Variants in ADCY9 observed in about 807,000 individuals in gnomAD.
ADCY9 encodes the protein adenylate cyclase type 9.
A neutral mutation model predicts 101.5 loss-of-function variants in ADCY9; 50 were observed. That is an observed-to-expected ratio of 0.49 (90% CI 0.39 to 0.62). The LOEUF is 0.62. Ranked by LOEUF, ADCY9 falls within the 20% of genes least tolerant of loss-of-function variation. The pLI, the probability that ADCY9 is intolerant of heterozygous loss-of-function variation, is 0.00. For synonymous variants in ADCY9, 905 were observed against 769.3 expected (o/e 1.18, Z -2.92); for missense variants, 1,662 against 1,800.4 (o/e 0.92, Z 1.39).
intron 2 of ADCY9, among the ~76,000 whole-genome samples, chr16:4,066,765 T>C (rs1356845344): frequency 1.3e-5 from 2 of 152,206 alleles, no homozygotes; most frequent in African/African-American, 4.8e-5. Context: ...GTGAATATTA[T>C]TCTTTAGAAT....
At chr16:4,084,008 TTTTG>T (rs888748107) in intron 2 of ADCY9, among the ~76,000 whole-genome samples, 1 of 152,208 alleles carries the variant, frequency 6.6e-6, no homozygotes, top group African/African-American at 2.4e-5. Context: ...TAAAGCTTTC[TTTTG>T]TTTGTTTTGT....
chr16:3,991,763 T>TAAAAA (rs55746006), intron 5 of ADCY9, among the ~76,000 whole-genome samples: 6 of 91,424 alleles, frequency 6.6e-5, no homozygotes, highest in African/African-American at 1.1e-4. Context: ...CTAGTCCTTA[T>TAAAAA]AAAAAAAAAA....
intron 10 of ADCY9, among the ~76,000 whole-genome samples, chr16:3,969,136 G>A (rs1442918167): frequency 6.6e-6 from 1 of 151,740 alleles, no homozygotes; most frequent in Non-Finnish European, 1.5e-5. Flanking sequence ...TGCTCCCTTT[G>A]ATAACTGAGC....
chr16:4,102,406 A>C (rs1475564332), intron 2 of ADCY9, among the ~76,000 whole-genome samples: 1 of 151,970 alleles, frequency 6.6e-6, no homozygotes, highest in Non-Finnish European at 1.5e-5. Flanking sequence ...ACAGAAACAA[A>C]GTTGATGGTT....
At chr16:4,089,116 G>C (rs1271720337) in intron 2 of ADCY9, among the ~76,000 whole-genome samples, 1 of 97,086 alleles carries the variant, frequency 1.0e-5, no homozygotes, top group Non-Finnish European at 2.0e-5. Flanking sequence ...TTTTGAGACA[G>C]AGATTGCTCT....
intron 6 of ADCY9, among the ~76,000 whole-genome samples, chr16:3,987,447 A>T (rs144844990): frequency 1.3e-5 from 2 of 152,220 alleles, no homozygotes; most frequent in African/African-American, 4.8e-5. Flanking sequence ...GACCCCGGCT[A>T]TGGGACCACA....
intron 2 of ADCY9, among the ~76,000 whole-genome samples, chr16:4,082,691 CACATATATGCACACCCACGCAT>C (rs914748881): frequency 2.2e-5 from 3 of 138,500 alleles, no homozygotes; most frequent in Admixed American, 7.4e-5. Context: ...CATGCATGCA[CACATATATGCACACCCACGCAT>C]GCACGCACAC....
rs1321955782 is a variant in ADCY9, at chr16:4,115,739, G to A, written c.-93C>T. 1 of 407,466 alleles carries A rather than the reference G, an allele frequency of 2.5e-6. No individual in the cohort carries two copies. Among genetic ancestry groups the A allele is most frequent in the South Asian group, 1.0e-4 (1 of 9,782 alleles). 25.2% of individuals were successfully genotyped at this position (407,466 alleles called of 1,614,324 possible). On this transcript the variant is annotated 5_prime_UTR_variant, in exon 1 of 11. Transcript: ENST00000294016. The surrounding 1 kb of genome is among the most constrained non-coding windows in gnomAD (Gnocchi z 6.2). ...GCGTGGCCGCCGTGGCTCCGGGACC[G>A]CTTTGCTCGCTCGCCTTCCGCGCCT...
intron 2 of ADCY9, among the ~76,000 whole-genome samples, chr16:4,060,633 A>G (rs575191391): frequency 6.7e-6 from 1 of 150,348 alleles, no homozygotes; most frequent in South Asian, 2.1e-4. Context: ...TAAAAATAAG[A>G]AAAAAAAAAT....
chr16:3,974,277 C>G (rs1351303893), intron 10 of ADCY9, among the ~76,000 whole-genome samples: 1 of 152,162 alleles, frequency 6.6e-6, no homozygotes, highest in Admixed American at 6.5e-5. Flanking sequence ...ATCTCCTGAC[C>G]TCGTGATCCG....
rs1170090126 is a variant in ADCY9 at position 4,110,376 on chromosome 16, C to CTTTTTTTTTTTTTTTT, written c.1693+3358_1693+3373dup. On this transcript the variant is annotated intron_variant, in intron 2 of 10. Coordinates refer to ENST00000294016, the MANE Select transcript of ADCY9 (RefSeq NM_001116.4). ...AGTTTTGCAATCATACTTATACCTA[C>CTTTTTTTTTTTTTTTT]TTTTTTTTTTTTTTTTTTTTTTTTT... Among the ~76,000 whole-genome samples the CTTTTTTTTTTTTTTTT allele has an allele frequency of 3.6e-5, 4 of 110,742 alleles. 1 individual carries two copies. The highest frequency in any genetic ancestry group is 3.6e-5 in the Non-Finnish European group (2 of 55,024). 72.7% of individuals were successfully genotyped at this position (110,742 alleles called of 152,430 possible). A position where few individuals can be genotyped will look rare whatever the true frequency, so the allele number is the denominator to read the frequency against.
chr16:4,059,931 A>G (rs1245601156), intron 2 of ADCY9, among the ~76,000 whole-genome samples: 4 of 152,120 alleles, frequency 2.6e-5, no homozygotes, highest in Admixed American at 2.6e-4. Context: ...AAGAAAAATG[A>G]CCAAATCTTG....
intron 2 of ADCY9, among the ~76,000 whole-genome samples, chr16:4,086,079 G>A (rs578060761): frequency 1.4e-4 from 21 of 152,148 alleles, no homozygotes; most frequent in Non-Finnish European, 2.8e-4. Context: ...AGACGGCCGC[G>A]CGGAGAGCAC....
At chr16:4,036,513 A>C (rs1197913075) in intron 2 of ADCY9, among the ~76,000 whole-genome samples, 1 of 122,144 alleles carries the variant, frequency 8.2e-6, no homozygotes, top group Non-Finnish European at 1.6e-5. Context: ...CCCAGGCTGG[A>C]GTGCAGTGGT....
At position 3,992,580 on chromosome 16, in the gene ADCY9, C is replaced by G. The variant is rs186121109; in HGVS notation, c.1990-217G>C. 1.1e-4 allele frequency among the ~76,000 whole-genome samples: 17 copies of G among 152,262 alleles called. No individual in the cohort carries two copies. The highest frequency in any genetic ancestry group is 3.9e-4 in the African/African-American group (16 of 41,550). ...GCTCCTTCCTGTTACCCAACAGTGCCCAGTGGTAACGCTGGGTGTTCAGGC... is the reference window on the plus strand; with the variant it reads ...GCTCCTTCCTGTTACCCAACAGTGCGCAGTGGTAACGCTGGGTGTTCAGGC... On this transcript the variant is annotated intron_variant, in intron 4 of 10. Transcript: ENST00000294016. This position sits in a 1 kb window ranked among gnomAD's most constrained non-coding sequence, Gnocchi z 4.2.
At chr16:4,069,080 CAT>C (rs1246005162) in intron 2 of ADCY9, among the ~76,000 whole-genome samples, 1 of 152,122 alleles carries the variant, frequency 6.6e-6, no homozygotes, top group Admixed American at 6.6e-5. Context: ...AATGGCATGA[CAT>C]GTGAAATTCT....
intron 2 of ADCY9, among the ~76,000 whole-genome samples, chr16:4,097,571 T>TTTTTTTA (rs1555446039): frequency 7.5e-6 from 1 of 132,486 alleles, no homozygotes; most frequent in Admixed American, 7.7e-5. Context: ...TTTTTTTTTT[T>TTTTTTTA]AAGACAGAGT....
chr16:3,971,600 G>A (rs983104990), intron 10 of ADCY9, among the ~76,000 whole-genome samples: 2 of 152,150 alleles, frequency 1.3e-5, no homozygotes, highest in Non-Finnish European at 2.9e-5. Context: ...ACATATTTCT[G>A]TCCAGCTCCA....
intron 2 of ADCY9, among the ~76,000 whole-genome samples, chr16:4,093,354 C>G (rs2056984590): frequency 6.6e-6 from 1 of 152,144 alleles, no homozygotes; most frequent in African/African-American, 2.4e-5. Context: ...TTTAATCAAC[C>G]TAGAGCAGGC....
Sources: gnomAD v4.1 joint callset for allele counts (sites outside exome capture counted in the v4.1 genomes callset) on GRCh38, gnomAD v4.1.1 for gene constraint, Gnocchi (gnomAD v3.1) non-coding constraint, MANE v1.5 for transcripts, NCBI Gene and HGNC (gene_info 2026-07-23, HGNC 2026-07-21) for gene names.